DHRSX: variants seen among roughly 807,000 people sequenced by gnomAD.
DHRSX encodes the protein dehydrogenase/reductase X-linked, also known as polyprenol dehydrogenase.
Under a neutral mutation model 34.0 loss-of-function variants are expected in DHRSX, and 31 were observed. The observed-to-expected ratio is 0.91, with a 90% confidence interval of 0.69 to 1.23. DHRSX has a LOEUF of 1.23. Ranked by LOEUF, DHRSX falls within the 50% of genes most tolerant of loss-of-function variation. DHRSX has a pLI of 0.00. For synonymous variants in DHRSX, 201 were observed against 183.8 expected (o/e 1.09, Z -0.76); for missense variants, 414 against 428.1 (o/e 0.97, Z 0.29).
chrX:2,376,919 G>T (rs145460024), intron 3 of DHRSX, among the ~76,000 whole-genome samples: 2 of 151,430 alleles, frequency 1.3e-5, no homozygotes, highest in African/African-American at 4.9e-5. Flanking sequence ...ACTTGAACCC[G>T]GGAGGCAGAA....
chrX:2,233,241 C>T (rs66491575), intron 6 of DHRSX, among the ~76,000 whole-genome samples: 122,534 of 152,056 alleles, frequency 0.81, 49,708 homozygotes, highest in East Asian at 0.95. Context: ...CACACATTCT[C>T]GGAATGATGA....
rs975377942 is a variant in DHRSX, at chrX:2,374,824, C to G, written c.286+33921G>C. On this transcript the variant is annotated intron_variant, in intron 3 of 6. Transcript: ENST00000334651. ...GCCAGGTTCAGTCCTGTAATCCCAG[C>G]ACTTTGGGAGGCCGTGGTGGAAGGA... Among the ~76,000 whole-genome samples, 13 of 137,626 alleles carry G rather than the reference C, an allele frequency of 9.4e-5. 2 individuals carry two copies. The highest frequency in any genetic ancestry group is 3.2e-4 in the African/African-American group (13 of 40,682). The allele number at this position is 137,626 out of a possible 152,430, so 90.3% of individuals were successfully genotyped here.
rs150041587 is a variant in DHRSX, at chrX:2,293,086, G to C, written c.287-1483C>G. Among the ~76,000 whole-genome samples the C allele has an allele frequency of 6.2e-3, 950 of 152,212 alleles. 11 individuals carry two copies. Among genetic ancestry groups the C allele is most frequent in the African/African-American group, 0.021 (891 of 41,536 alleles). On this transcript the variant is annotated intron_variant, in intron 3 of 6. Transcript: ENST00000334651. The stretch of plus-strand genomic sequence containing the variant: ...GCGTGAGCAGCTGTGTCCAGCCAAA[G>C]ATGACATTTTTAGAGAGTGAATGAC...
At chrX:2,418,398 T>C (rs1477256724) in intron 2 of DHRSX, among the ~76,000 whole-genome samples, 1 of 151,900 alleles carries the variant, frequency 6.6e-6, no homozygotes, top group African/African-American at 2.4e-5. Flanking sequence ...CAGAACCTAA[T>C]ACAACTAGAC....
chrX:2,471,343 G>T (rs1434429046), intron 1 of DHRSX, among the ~76,000 whole-genome samples: 3 of 152,150 alleles, frequency 2.0e-5, no homozygotes, highest in Non-Finnish European at 4.4e-5. Context: ...GAGGTGGGTG[G>T]ATCACCTGAG....
intron 3 of DHRSX, among the ~76,000 whole-genome samples, chrX:2,341,358 C>T (rs1353125179): frequency 2.6e-5 from 4 of 152,096 alleles, no homozygotes; most frequent in African/African-American, 7.2e-5. Flanking sequence ...ATCGAGGTGC[C>T]TACAGGGACA....
intron 1 of DHRSX, among the ~76,000 whole-genome samples, chrX:2,464,154 G>A (rs1161319476): frequency 6.6e-6 from 1 of 151,306 alleles, no homozygotes; most frequent in Non-Finnish European, 1.5e-5. Context: ...CGCTCCCTAA[G>A]AATGCAGCGA....
intron 1 of DHRSX, chrX:2,489,891 T>C: frequency 6.2e-7 from 1 of 1,613,860 alleles, no homozygotes; most frequent in Non-Finnish European, 8.5e-7. Context: ...GAGCACGCCT[T>C]CACGATGTCC....
At chrX:2,282,604 G>C (rs1174735546) in intron 4 of DHRSX, among the ~76,000 whole-genome samples, 1 of 136,980 alleles carries the variant, frequency 7.3e-6, no homozygotes, top group African/African-American at 2.7e-5. Context: ...AGAGGGGAGA[G>C]AGAAGAAAGA....
chrX:2,369,942 C>T (rs900427376), intron 3 of DHRSX, among the ~76,000 whole-genome samples: 1 of 151,802 alleles, frequency 6.6e-6, no homozygotes, highest in Non-Finnish European at 1.5e-5. Flanking sequence ...TGTGCCCGGC[C>T]CGGACTCCCC....
intron 3 of DHRSX, among the ~76,000 whole-genome samples, chrX:2,369,093 T>C (rs987892357): frequency 1.6e-4 from 25 of 152,204 alleles, no homozygotes; most frequent in African/African-American, 5.8e-4. Context: ...CACCCTTCAC[T>C]GAGGAGCCTT....
intron 3 of DHRSX, among the ~76,000 whole-genome samples, chrX:2,351,420 T>C (rs1212324161): frequency 1.3e-5 from 2 of 152,168 alleles, no homozygotes; most frequent in Non-Finnish European, 2.9e-5. Flanking sequence ...CTGAATAACA[T>C]GAGCTCTGGC....
chrX:2,409,474 G>C (rs2124637700), intron 2 of DHRSX, among the ~76,000 whole-genome samples: 2 of 152,136 alleles, frequency 1.3e-5, no homozygotes, highest in East Asian at 1.9e-4. Flanking sequence ...CCCTCCCTGT[G>C]TCCATGCGTT....
At chrX:2,293,682 C>T (rs1367358354) in intron 3 of DHRSX, among the ~76,000 whole-genome samples, 2 of 152,200 alleles carry the variant, frequency 1.3e-5, no homozygotes, top group East Asian at 3.9e-4. Flanking sequence ...CCTTGATCTG[C>T]AGGGCTGCTG....
In DHRSX at chrX:2,361,741, A is replaced by G. The variant is rs1311840747; in HGVS notation, c.286+47004T>C. Among the ~76,000 whole-genome samples the G allele has an allele frequency of 3.3e-5, 5 of 152,222 alleles. No homozygotes were observed. In the South Asian group the frequency reaches 6.2e-4, roughly 19 times the overall value. The stretch of plus-strand genomic sequence containing the variant: ...GTCTCACTCCTATACAGAACATGGC[A>G]TGATTCAAATTCTAAAAAGAAGATG... On this transcript the variant is annotated intron_variant, in intron 3 of 6. Coordinates refer to ENST00000334651, the MANE Select transcript of DHRSX (RefSeq NM_145177.3).
intron 6 of DHRSX, among the ~76,000 whole-genome samples, chrX:2,231,938 C>A (rs981659445): frequency 6.7e-6 from 1 of 149,650 alleles, no homozygotes; most frequent in African/African-American, 2.5e-5. Flanking sequence ...TTCTCTTCCT[C>A]TTCTCTCCTC....
At chrX:2,417,924 C>T (rs768997327) in intron 2 of DHRSX, among the ~76,000 whole-genome samples, 3 of 151,938 alleles carry the variant, frequency 2.0e-5, no homozygotes, top group African/African-American at 7.2e-5. Context: ...CAAACTGTAC[C>T]TTACCATGAT....
At chrX:2,398,034 A>G (rs1003588759) in intron 3 of DHRSX, among the ~76,000 whole-genome samples, 1 of 149,750 alleles carries the variant, frequency 6.7e-6, no homozygotes, top group African/African-American at 2.5e-5. Context: ...ATAGATACAT[A>G]TGCCAACAGG....
intron 1 of DHRSX, chrX:2,490,188 C>T (rs1487002009): frequency 9.3e-6 from 15 of 1,613,826 alleles, no homozygotes; most frequent in Admixed American, 3.3e-5. Context: ...CGGACGGCCC[C>T]GTACTTCTCA....
Sources: allele counts gnomAD v4.1 joint callset (sites outside exome capture counted in the v4.1 genomes callset), GRCh38; gene constraint gnomAD v4.1.1; transcripts MANE v1.5; gene names NCBI Gene and HGNC (gene_info 2026-07-23, HGNC 2026-07-21).